Variants in RNF24 observed in about 807,000 individuals in gnomAD.
RNF24 encodes the protein ring finger protein 24.
Under a neutral mutation model 20.0 loss-of-function variants are expected in RNF24, and 14 were observed. That is an observed-to-expected ratio of 0.70 (90% CI 0.46 to 1.10). The LOEUF (loss-of-function observed/expected upper bound fraction) is 1.10, where lower values mean the gene tolerates loss of function less well. Ranked by LOEUF, RNF24 falls within the 50% of genes least tolerant of loss-of-function variation. The pLI, the probability that RNF24 is intolerant of heterozygous loss-of-function variation, is 0.00. For synonymous variants in RNF24, 45 were observed against 61.1 expected (o/e 0.74, Z 1.23); for missense variants, 124 against 177.6 (o/e 0.70, Z 1.71).
At chr20:4,009,679 AGAT>A (rs1982279035) in intron 1 of RNF24, among the ~76,000 whole-genome samples, 1 of 152,160 alleles carries the variant, frequency 6.6e-6, no homozygotes, top group African/African-American at 2.4e-5. Context: ...ATAGGCAAAA[AGAT>A]CTTATTAAGA....
intron 1 of RNF24, among the ~76,000 whole-genome samples, chr20:4,001,789 TAATA>T (rs1600715875): frequency 6.6e-6 from 1 of 151,606 alleles, no homozygotes; most frequent in African/African-American, 2.4e-5. Flanking sequence ...TAAAAAAAAT[TAATA>T]AATAAACAGC....
chr20:3,943,302 T>C (rs1004801936), intron 4 of RNF24, among the ~76,000 whole-genome samples: 1 of 136,100 alleles, frequency 7.3e-6, no homozygotes. Context: ...CCCAGCAGGA[T>C]TTTTTTTTTT....
Position 3,933,878 on chromosome 20 carries a change from G to A in RNF24, c.*185C>T, listed in dbSNP as rs1242695757. 8 of 451,366 alleles carry A rather than the reference G, an allele frequency of 1.8e-5. No individual in the cohort carries two copies. The highest frequency in any genetic ancestry group is 2.6e-5 in the Non-Finnish European group (7 of 267,122). 28.0% of individuals were successfully genotyped at this position (451,366 alleles called of 1,614,324 possible). ...TCTCTCGGCAGGGGGTAGTGTCAAA[G>A]TGCTTTGGTTGTCACAAGACCCAGA... On this transcript the variant is annotated 3_prime_UTR_variant, in exon 6 of 6. Coordinates refer to ENST00000358395, the MANE Select transcript of RNF24 (RefSeq NM_001134337.3).
intron 1 of RNF24, among the ~76,000 whole-genome samples, chr20:4,006,238 G>A (rs548280413): frequency 3.1e-4 from 47 of 152,122 alleles, no homozygotes; most frequent in East Asian, 9.7e-4. Context: ...GTGTGGTGGC[G>A]CATGCCTGTA....
intron 2 of RNF24, among the ~76,000 whole-genome samples, chr20:3,951,714 A>G (rs934795823): frequency 2.0e-5 from 3 of 152,152 alleles, no homozygotes; most frequent in African/African-American, 7.2e-5. Context: ...ATTTATTTCT[A>G]TCAGTCTAGA....
chr20:3,928,747 CAAAAAA>C lies in RNF24; in HGVS notation c.*5310_*5315del, dbSNP rs528166005. The C allele has an allele frequency of 3.2e-3, 180 of 56,782 alleles. No individual in the cohort carries two copies. Among genetic ancestry groups the C allele is most frequent in the Admixed American group, 0.021 (73 of 3,498 alleles). 3.5% of individuals were successfully genotyped at this position (56,782 alleles called of 1,614,324 possible). On this transcript the variant is annotated 3_prime_UTR_variant, in exon 6 of 6. Coordinates refer to ENST00000358395, the MANE Select transcript of RNF24 (RefSeq NM_001134337.3). ...TGGGTGACAGAGCGAGACTCCGTCT[CAAAAAA>C]AAAAAAAAAAAAAAAAAAAAAAAAA...
chr20:3,963,782 A>G lies in RNF24; in HGVS notation c.143+93T>C, dbSNP rs1243221957. Reference sequence around the variant, plus strand: ...TTAATTTTTTAAAAATTTGCCAATTATCATACTTCATTTTAAAAAAAATCT... The same window carrying G: ...TTAATTTTTTAAAAATTTGCCAATTGTCATACTTCATTTTAAAAAAAATCT... On this transcript the variant is annotated intron_variant, in intron 2 of 5. Transcript: ENST00000358395. The G allele has an allele frequency of 7.3e-6, 8 of 1,101,644 alleles. No individual in the cohort carries two copies. The African/African-American group carries it at 7.9e-5, about 11-fold the overall frequency. 68.2% of individuals were successfully genotyped at this position (1,101,644 alleles called of 1,614,324 possible).
At chr20:3,968,697 C>G (rs2091284484) in intron 1 of RNF24, among the ~76,000 whole-genome samples, 1 of 152,064 alleles carries the variant, frequency 6.6e-6, no homozygotes, top group African/African-American at 2.4e-5. Flanking sequence ...CATGAAACAC[C>G]TTCTGCAAAA....
intron 1 of RNF24, among the ~76,000 whole-genome samples, chr20:3,986,599 A>G (rs1219746635): frequency 1.3e-5 from 2 of 151,414 alleles, no homozygotes; most frequent in African/African-American, 4.9e-5. Flanking sequence ...AGTAGAACTC[A>G]AATTCCCTCC....
chr20:4,012,005 A>T (rs1568676552), intron 1 of RNF24, among the ~76,000 whole-genome samples: 2 of 152,252 alleles, frequency 1.3e-5, no homozygotes, highest in Non-Finnish European at 2.9e-5. Flanking sequence ...ATAATATATA[A>T]GACTGCTGAT....
chr20:3,948,286 G>A lies in RNF24; in HGVS notation c.144-7C>T, dbSNP rs1423546529. 1 of 1,570,840 alleles carries A rather than the reference G, an allele frequency of 6.4e-7. No homozygotes were observed. The highest frequency in any genetic ancestry group is 2.3e-5 in the East Asian group (1 of 43,514). ...GTGTGCTTGATGTCTTAGCCTAAAAGACAGAAATTAGTAATGCAATATTGA... is the reference window on the plus strand; with the variant it reads ...GTGTGCTTGATGTCTTAGCCTAAAAAACAGAAATTAGTAATGCAATATTGA... On this transcript the variant is annotated splice_polypyrimidine_tract_variant and splice_region_variant and intron_variant, in intron 2 of 5. Transcript: ENST00000358395.
chr20:3,998,408 C>A, intron 1 of RNF24, among the ~76,000 whole-genome samples: 1 of 151,886 alleles, frequency 6.6e-6, no homozygotes, highest in East Asian at 1.9e-4. Flanking sequence ...AACCCCGTCT[C>A]TACTAAAAAT....
At chr20:3,990,834 T>A (rs1443354802) in intron 1 of RNF24, among the ~76,000 whole-genome samples, 1 of 151,858 alleles carries the variant, frequency 6.6e-6, no homozygotes, top group East Asian at 1.9e-4. Context: ...TATGATCACA[T>A]CACTGCATCC....
At chr20:3,963,323 G>A (rs1220658419) in intron 2 of RNF24, among the ~76,000 whole-genome samples, 1 of 152,160 alleles carries the variant, frequency 6.6e-6, no homozygotes, top group East Asian at 1.9e-4. Context: ...CTCCCAGGTA[G>A]CTGGGATTAC....
chr20:4,009,234 T>A (rs192314127), intron 1 of RNF24, among the ~76,000 whole-genome samples: 2 of 152,300 alleles, frequency 1.3e-5, no homozygotes, highest in East Asian at 3.9e-4. Context: ...CGTAAACTTC[T>A]CTTTTGAGAG....
rs1416647191 is a variant in RNF24, at chr20:3,998,637, T to A, written c.-8+16800A>T. 4.1e-5 allele frequency among the ~76,000 whole-genome samples: 5 copies of A among 123,176 alleles called. No individual in the cohort carries two copies. In the Admixed American group the frequency reaches 4.4e-4, roughly 11 times the overall value. The allele number at this position is 123,176 out of a possible 152,430, so 80.8% of individuals were successfully genotyped here. ...CGGGCGTGGTGGCGTGTGCCTGTAA[T>A]CCCAGCTACTCAGGAGTCTAAGGCA... On this transcript the variant is annotated intron_variant, in intron 1 of 5. Transcript: ENST00000358395.
intron 3 of RNF24, among the ~76,000 whole-genome samples, chr20:3,945,928 G>A (rs1257222557): frequency 6.6e-6 from 1 of 152,078 alleles, no homozygotes; most frequent in African/African-American, 2.4e-5. Flanking sequence ...CTAAATTTTG[G>A]TGTCTTACAT....
intron 1 of RNF24, among the ~76,000 whole-genome samples, chr20:3,996,286 G>A (rs573668571): frequency 6.6e-6 from 1 of 152,296 alleles, no homozygotes; most frequent in South Asian, 2.1e-4. Context: ...AATATATTTA[G>A]CAGGTTTCTT....
At chr20:3,965,204 C>T (rs187919265) in intron 1 of RNF24, among the ~76,000 whole-genome samples, 155 of 152,222 alleles carry the variant, frequency 1.0e-3, no homozygotes, top group Non-Finnish European at 1.8e-3. Flanking sequence ...ACTATGAATA[C>T]TACAAATCCA....
Sources: gnomAD v4.1 joint callset for allele counts (sites outside exome capture counted in the v4.1 genomes callset) on GRCh38, gnomAD v4.1.1 for gene constraint, MANE v1.5 for transcripts, NCBI Gene and HGNC (gene_info 2026-07-23, HGNC 2026-07-21) for gene names.